SLC44A1: variants seen among roughly 807,000 people sequenced by gnomAD.
SLC44A1 encodes the protein choline transporter-like protein 1.
Under a neutral mutation model 79.3 loss-of-function variants are expected in SLC44A1, and 26 were observed. The observed-to-expected ratio is 0.33, with a 90% confidence interval of 0.24 to 0.46. SLC44A1 has a LOEUF of 0.46. SLC44A1 is among the 20% of genes least tolerant of loss of function. The probability of loss-of-function intolerance (pLI) is 1.00; values close to 1 mark genes in which losing one functional copy is unlikely to be tolerated. For missense variants in SLC44A1, 688 were observed against 798.1 expected, an observed-to-expected ratio of 0.86 and a Z score of 1.66; for synonymous variants, 263 against 286.2, an observed-to-expected ratio of 0.92 and a Z score of 0.82.
intron 12 of SLC44A1, among the ~76,000 whole-genome samples, chr9:105,369,653 A>AC (rs1828042587): frequency 6.6e-6 from 1 of 152,206 alleles, no homozygotes; most frequent in Non-Finnish European, 1.5e-5. Context: ...ACAGAACTGC[A>AC]CATACCCTAT....
At position 105,386,204 on chromosome 9, in the gene SLC44A1, G is replaced by A. The variant is rs1006165656; in HGVS notation, c.1950+702G>A. On this transcript the variant is annotated intron_variant, in intron 15 of 15. Transcript: ENST00000374720. ...TCTACTCCACTTTTATTTGAAAAAAGCAGCTTAATGAGTGTAAGAGAACCT... is the reference window on the plus strand; with the variant it reads ...TCTACTCCACTTTTATTTGAAAAAAACAGCTTAATGAGTGTAAGAGAACCT... 5.1e-6 allele frequency: 5 copies of A among 983,982 alleles called. No individual in the cohort carries two copies. In the African/African-American group the frequency reaches 7.0e-5, roughly 14 times the overall value. 61.0% of individuals were successfully genotyped at this position (983,982 alleles called of 1,614,324 possible).
At chr9:105,398,176 G>A (rs1408436775), downstream of SLC44A1, among the ~76,000 whole-genome samples, 1 of 152,180 alleles carries the variant, frequency 6.6e-6, no homozygotes, top group Non-Finnish European at 1.5e-5. Context: ...ATAATTTTAG[G>A]TAATGTTAGG....
chr9:105,266,658 ATTTG>A (rs532964393), intron 1 of SLC44A1, among the ~76,000 whole-genome samples: 34 of 152,210 alleles, frequency 2.2e-4, no homozygotes, highest in African/African-American at 7.7e-4. Flanking sequence ...GGTTTCATCC[ATTTG>A]TTTGTCTGTC....
intron 1 of SLC44A1, among the ~76,000 whole-genome samples, chr9:105,289,643 G>A (rs1830557780): frequency 1.3e-5 from 2 of 152,094 alleles, no homozygotes; most frequent in Admixed American, 6.6e-5. Context: ...GTTTCAGTGC[G>A]TGACTGCTGT....
intron 13 of SLC44A1, among the ~76,000 whole-genome samples, chr9:105,378,929 A>G (rs1375718416): frequency 6.6e-6 from 1 of 152,260 alleles, no homozygotes; most frequent in African/African-American, 2.4e-5. Flanking sequence ...TGAGGGAATT[A>G]TGCTGAGCGA....
intron 15 of SLC44A1, among the ~76,000 whole-genome samples, chr9:105,422,696 TA>T (rs1224114620): frequency 1.3e-5 from 2 of 152,288 alleles, no homozygotes; most frequent in African/African-American, 4.8e-5. Context: ...ATTTGCATTG[TA>T]AAATGGTACC....
At chr9:105,338,604 A>C (rs2131364865) in intron 4 of SLC44A1, among the ~76,000 whole-genome samples, 2 of 152,116 alleles carry the variant, frequency 1.3e-5, no homozygotes, top group Middle Eastern at 3.4e-3. Flanking sequence ...TATGGCAGTG[A>C]GGTATTGCTG....
At position 105,318,945 on chromosome 9, in the gene SLC44A1, C is replaced by T. The variant is rs528959324; in HGVS notation, c.269+9079C>T. On this transcript the variant is annotated intron_variant, in intron 3 of 15. Coordinates refer to ENST00000374720, the MANE Select transcript of SLC44A1 (RefSeq NM_080546.5). The stretch of plus-strand genomic sequence containing the variant: ...AAATGCTCAATCTGAAGTCTCACTA[C>T]TTGAGTTGGTTCTAGGTTACCTGAC... Among the ~76,000 whole-genome samples the T allele has an allele frequency of 6.6e-5, 10 of 152,232 alleles. No individual in the cohort carries two copies. In the South Asian group the frequency reaches 2.1e-3, roughly 32 times the overall value.
rs188659634 is a variant in SLC44A1, at chr9:105,436,460, A to G, written c.1951-1821A>G. On this transcript the variant is annotated intron_variant, in intron 15 of 15. Transcript: ENST00000374724. The stretch of plus-strand genomic sequence containing the variant: ...GTAGCGTGTGGCATGGAGCTTCTAT[A>G]GTCCCAGCTACCGAGGAGGCTGAAG... 2.6e-5 allele frequency among the ~76,000 whole-genome samples: 4 copies of G among 152,312 alleles called. No homozygotes were observed. In the East Asian group the frequency reaches 7.7e-4, roughly 29 times the overall value.
At chr9:105,314,588 T>TG (rs1230559508) in intron 3 of SLC44A1, among the ~76,000 whole-genome samples, 2 of 152,214 alleles carry the variant, frequency 1.3e-5, no homozygotes, top group Non-Finnish European at 2.9e-5. Context: ...TTCTTGTCTT[T>TG]CTTCCAAGGA....
At chr9:105,290,709 G>A (rs1002227196) in intron 1 of SLC44A1, among the ~76,000 whole-genome samples, 3 of 152,198 alleles carry the variant, frequency 2.0e-5, no homozygotes, top group African/African-American at 7.2e-5. Flanking sequence ...GAAGTCATTG[G>A]CAATTTATCT....
chr9:105,323,910 T>C (rs1249664767), intron 3 of SLC44A1, among the ~76,000 whole-genome samples: 2 of 152,232 alleles, frequency 1.3e-5, no homozygotes, highest in Non-Finnish European at 2.9e-5. Flanking sequence ...TGTCCTTCCA[T>C]CTTGCATTGC....
intron 5 of SLC44A1, among the ~76,000 whole-genome samples, chr9:105,354,199 C>T (rs1303416298): frequency 2.0e-5 from 3 of 149,968 alleles, no homozygotes; most frequent in Admixed American, 6.6e-5. Flanking sequence ...TACAGGCGCC[C>T]GCTACCACGC....
In SLC44A1 at chr9:105,392,335, T is replaced by C; in HGVS notation, c.*3279T>C. 1.0e-6 allele frequency: 1 copy of C among 984,274 alleles called. No homozygotes were observed. The highest frequency in any genetic ancestry group is 1.7e-5 in the African/African-American group (1 of 57,194). The allele number at this position is 984,274 out of a possible 1,614,324, so 61.0% of individuals were successfully genotyped here. A position where few individuals can be genotyped will look rare whatever the true frequency, so the allele number is the denominator to read the frequency against. ...CTATAATGGTTAAGGAGGAGGCACT[T>C]ACTGAGTTTATTTTAAAGTTATGCT... On this transcript the variant is annotated 3_prime_UTR_variant, in exon 16 of 16. Transcript: ENST00000374720.
intron 15 of SLC44A1, among the ~76,000 whole-genome samples, chr9:105,423,818 A>G (rs1240040737): frequency 6.6e-6 from 1 of 152,192 alleles, no homozygotes; most frequent in African/African-American, 2.4e-5. Flanking sequence ...AGATGTATTA[A>G]CTTATGAGAG....
In SLC44A1 at chr9:105,393,273, C is replaced by A. The variant is rs948410678; in HGVS notation, c.*4217C>A. The A allele has an allele frequency of 1.0e-5, 10 of 985,314 alleles. No individual in the cohort carries two copies. The highest frequency in any genetic ancestry group is 1.2e-5 in the Non-Finnish European group (10 of 829,930). The allele number at this position is 985,314 out of a possible 1,614,324, so 61.0% of individuals were successfully genotyped here. Reference sequence around the variant, plus strand: ...GCCCTTTTGAAAAGTAGGCACTATTCATACACAGTAGCTTCTTGGAATTAA... The same window carrying A: ...GCCCTTTTGAAAAGTAGGCACTATTAATACACAGTAGCTTCTTGGAATTAA... On this transcript the variant is annotated 3_prime_UTR_variant, in exon 16 of 16. Coordinates refer to ENST00000374720, the MANE Select transcript of SLC44A1 (RefSeq NM_080546.5).
rs543505426 is a variant in SLC44A1, at chr9:105,283,517, G to A, written c.37-15703G>A. 3.3e-5 allele frequency among the ~76,000 whole-genome samples: 5 copies of A among 152,220 alleles called. No homozygotes were observed. In the East Asian group the frequency reaches 5.8e-4, roughly 18 times the overall value. ...ATTTAAAGTGTACTCTTCTCTTAAC[G>A]TAGAATTCATGTAAAACTACATCAT... On this transcript the variant is annotated intron_variant, in intron 1 of 15. Coordinates refer to ENST00000374720, the MANE Select transcript of SLC44A1 (RefSeq NM_080546.5).
chr9:105,420,101 T>G (rs1829226281), intron 15 of SLC44A1, among the ~76,000 whole-genome samples: 1 of 152,042 alleles, frequency 6.6e-6, no homozygotes, highest in South Asian at 2.1e-4. Context: ...TTGATTAGAG[T>G]TCTCTTTTGT....
chr9:105,259,565 C>T (rs1203746694), intron 1 of SLC44A1, among the ~76,000 whole-genome samples: 1 of 152,168 alleles, frequency 6.6e-6, no homozygotes, highest in African/African-American at 2.4e-5. Context: ...AAAAACTCAG[C>T]ATATTTAAGA....
Sources: gnomAD v4.1 joint callset for allele counts (sites outside exome capture counted in the v4.1 genomes callset) on GRCh38, gnomAD v4.1.1 for gene constraint, MANE v1.5 for transcripts, NCBI Gene and HGNC (gene_info 2026-07-23, HGNC 2026-07-21) for gene names.